CARD9: variants seen among roughly 807,000 people sequenced by gnomAD.
The protein encoded by CARD9 is caspase recruitment domain-containing protein 9.
Under a neutral mutation model 66.0 loss-of-function variants are expected in CARD9, and 53 were observed. The ratio of observed to expected loss-of-function variants is 0.80; its 90% CI spans 0.64 to 1.01. The LOEUF is 1.01. Ranked by LOEUF, CARD9 falls within the 50% of genes least tolerant of loss-of-function variation. The pLI is 0.00. For missense variants in CARD9, 769 were observed against 743.2 expected (o/e 1.03, Z -0.40); for synonymous variants, 387 against 313.8 (o/e 1.23, Z -2.47).
chr9:136,369,944 G>T lies in CARD9; in HGVS notation c.952-69C>A, dbSNP rs1035221535. On this transcript the variant is annotated intron_variant, in intron 6 of 12. Transcript: ENST00000371732. ...CATTCTGGCCCTTGGGGTATACTCC[G>T]GGCAGGGGCTCAGAAGCATGTGGTC... 4.4e-6 allele frequency: 7 copies of T among 1,598,600 alleles called. No homozygotes were observed. In the East Asian group the frequency reaches 1.1e-4, roughly 26 times the overall value.
At chr9:136,370,028 A>C in intron 6 of CARD9, 153 bp from the exon 7 acceptor site, 1 of 1,464,280 alleles carries the variant, frequency 6.8e-7, no homozygotes, top group Middle Eastern at 2.4e-4. Context: ...CCAGCCCTGC[A>C]CTTCCAGACC....
Position 136,373,302 on chromosome 9 carries a change from CCTTTCCTG to C in CARD9, c.-17+222_-17+229del, listed in dbSNP as rs1440243822. 2.0e-5 allele frequency among the ~76,000 whole-genome samples: 3 copies of C among 152,330 alleles called. No individual in the cohort carries two copies. The East Asian group carries it at 5.8e-4, about 29-fold the overall frequency. ...TAGACAGTCCTGGGAACACTGGGCCCCTTTCCTGCTTCCCCAGCTTGAAATGCAGGGTC... is the reference window on the plus strand; with the variant it reads ...TAGACAGTCCTGGGAACACTGGGCCCCTTCCCCAGCTTGAAATGCAGGGTC... On this transcript the variant is annotated intron_variant, in intron 1 of 12. Coordinates refer to ENST00000371732, the MANE Select transcript of CARD9 (RefSeq NM_052813.5).
intron 9 of CARD9, 124 bp from the exon 10 acceptor site, chr9:136,366,969 G>A: frequency 1.7e-6 from 2 of 1,206,182 alleles, no homozygotes. Flanking sequence ...CCTGCACAGA[G>A]CTTCTCAGAG....
At position 136,369,962 on chromosome 9, in the gene CARD9, A is replaced by C. The variant is rs950548740; in HGVS notation, c.952-87T>G. 8 of 1,588,908 alleles carry C rather than the reference A, an allele frequency of 5.0e-6. No individual in the cohort carries two copies. In the Admixed American group the frequency reaches 1.4e-4, roughly 27 times the overall value. On this transcript the variant is annotated intron_variant, in intron 6 of 12. Coordinates refer to ENST00000371732, the MANE Select transcript of CARD9 (RefSeq NM_052813.5). The stretch of plus-strand genomic sequence containing the variant: ...ATACTCCGGGCAGGGGCTCAGAAGC[A>C]TGTGGTCAGGCCAGTTGGGATGTCG...
At chr9:136,366,567 C>T (rs1269176224) in intron 10 of CARD9, 2 of 592,488 alleles carry the variant, frequency 3.4e-6, no homozygotes, top group East Asian at 2.9e-5. Flanking sequence ...ACACTCTCCA[C>T]CCCAGGGGAC....
At chr9:136,365,114 G>A in intron 11 of CARD9, 27 bp downstream of exon 11, 1 of 1,609,818 alleles carries the variant, frequency 6.2e-7, no homozygotes, top group Non-Finnish European at 8.5e-7. Context: ...CCACGGCTGG[G>A]AGGACCCCAC....
intron 10 of CARD9, chr9:136,365,515 G>A: frequency 1.9e-6 from 1 of 526,842 alleles, no homozygotes; most frequent in East Asian, 3.3e-5. Context: ...CAGACCTCGG[G>A]GGAACTTAAA....
At chr9:136,367,110 C>G in intron 9 of CARD9, 106 bp downstream of exon 9, 3 of 1,335,448 alleles carry the variant, frequency 2.2e-6, no homozygotes, top group Non-Finnish European at 1.0e-6. Context: ...CCCAGCCCAC[C>G]GAGCAGGGCC....
At chr9:136,373,106 C>T (rs761084812) in intron 1 of CARD9, among the ~76,000 whole-genome samples, 12 of 152,338 alleles carry the variant, frequency 7.9e-5, no homozygotes, top group African/African-American at 2.6e-4. Context: ...CCTCCAGCCC[C>T]GCTGGGAAAC....
Position 136,371,955 on chromosome 9 carries a change from G to C in CARD9, c.124C>G (p.Pro42Ala). ...PYLRQCKVLN[P>A]DDEEQVLSDP... ...CTGAGCACCTGCTCCTCATCATCGG[G>C]GTTCAGGACCTTGCACTGCCGCAGG... Residue 42 changes from proline to alanine, a missense_variant, in exon 2 of 13, where the codon CCC becomes GCC. Coordinates refer to ENST00000371732, the MANE Select transcript of CARD9 (RefSeq NM_052813.5). The C allele has an allele frequency of 6.2e-7, 1 of 1,611,100 alleles. No homozygotes were observed. The highest frequency in any genetic ancestry group is 8.5e-7 in the Non-Finnish European group (1 of 1,178,464).
chr9:136,365,098 T>C, intron 11 of CARD9, 43 bp downstream of exon 11: 1 of 1,596,790 alleles, frequency 6.3e-7, no homozygotes, highest in Non-Finnish European at 8.6e-7. Context: ...TCGGTCACCC[T>C]GAGGCCCACG....
At position 136,370,418 on chromosome 9, in the gene CARD9, C is replaced by A. The variant is rs774882992; in HGVS notation, c.827G>T (p.Ser276Ile). 11 of 1,610,958 alleles carry A rather than the reference C, an allele frequency of 6.8e-6. No homozygotes were observed. In the South Asian group the frequency reaches 1.1e-4, roughly 16 times the overall value. The change falls in exon 6 of 13, where the codon AGC becomes ATC. Residue 276 changes from serine to isoleucine, a missense_variant. Coordinates refer to ENST00000371732, the MANE Select transcript of CARD9 (RefSeq NM_052813.5). ...CTCCAGTACCTGGATGTAGGGGCTG[C>A]TCCTGTCCAGCTTCCCCTCCTGAAG... ...ASVQEGKLDR[S>I]SPYIQVLEED...
chr9:136,367,578 T>C, intron 8 of CARD9, 59 bp downstream of exon 8: 2 of 1,503,776 alleles, frequency 1.3e-6, no homozygotes, highest in Admixed American at 2.0e-5. Flanking sequence ...GGCTCCGTGC[T>C]CCCCTGGCCC....
chr9:136,367,125 G>A lies in CARD9; in HGVS notation c.1311+91C>T, dbSNP rs564727589. 6 of 1,426,202 alleles carry A rather than the reference G, an allele frequency of 4.2e-6. No homozygotes were observed. The South Asian group carries it at 6.0e-5, about 14-fold the overall frequency. 88.3% of individuals were successfully genotyped at this position (1,426,202 alleles called of 1,614,324 possible). A position where few individuals can be genotyped will look rare whatever the true frequency, so the allele number is the denominator to read the frequency against. On this transcript the variant is annotated intron_variant, in intron 9 of 12. Coordinates refer to ENST00000371732, the MANE Select transcript of CARD9 (RefSeq NM_052813.5). ...CCCAGCCCACCGAGCAGGGCCATGT[G>A]ACGGGCAGTGTGGGGCTATGCCTGG...
chr9:136,364,626 C>G (rs1833072800), intron 11 of CARD9, 67 bp from the exon 12 acceptor site: 5 of 1,443,044 alleles, frequency 3.5e-6, no homozygotes, highest in Non-Finnish European at 4.7e-6. Flanking sequence ...CTCACCCGCC[C>G]CCCACTGGCC....
chr9:136,371,603 C>T (rs139312156), intron 2 of CARD9, 142 bp from the exon 3 acceptor site: 23 of 1,357,670 alleles, frequency 1.7e-5, no homozygotes, highest in Admixed American at 8.6e-5. Context: ...AGGTACCCTG[C>T]GGGTCTTGGT....
intron 6 of CARD9, 65 bp from the exon 7 acceptor site, chr9:136,369,940 C>T (rs1833218028): frequency 1.9e-6 from 3 of 1,600,660 alleles, no homozygotes; most frequent in Non-Finnish European, 2.5e-6. Context: ...TTGGGGTATA[C>T]TCCGGGCAGG....
chr9:136,373,621 G>C lies in CARD9; in HGVS notation c.-106C>G. On this transcript the variant is annotated 5_prime_UTR_variant, in exon 1 of 13. Transcript: ENST00000371732. ...GGGAGATGCTGCCCGGGGCTGCAGG[G>C]AGGGAGGAGCACGCCGGACGCCTGT... 1 of 979,002 alleles carries C rather than the reference G, an allele frequency of 1.0e-6. No homozygotes were observed. The highest frequency in any genetic ancestry group is 1.2e-6 in the Non-Finnish European group (1 of 823,912). 60.6% of individuals were successfully genotyped at this position (979,002 alleles called of 1,614,324 possible).
At chr9:136,372,207 G>T (rs887786268) in intron 1 of CARD9, 113 bp from the exon 2 acceptor site, 1 of 1,431,200 alleles carries the variant, frequency 7.0e-7, no homozygotes, top group South Asian at 1.2e-5. Flanking sequence ...CATCGAGGGG[G>T]ATCAGCCCAG....
Sources: allele counts gnomAD v4.1 joint callset (sites outside exome capture counted in the v4.1 genomes callset), GRCh38; gene constraint gnomAD v4.1.1; transcripts MANE v1.5; gene names NCBI Gene and HGNC (gene_info 2026-07-23, HGNC 2026-07-21).